Variants in HNF4G observed in about 807,000 individuals in gnomAD.
HNF4G encodes hepatocyte nuclear factor 4 gamma, also known as hepatocyte nuclear factor 4-gamma.
Under a neutral mutation model 50.9 loss-of-function variants are expected in HNF4G, and 21 were observed. That is an observed-to-expected ratio of 0.41 (90% CI 0.29 to 0.59). The LOEUF is 0.59. HNF4G is among the 20% of genes least tolerant of loss of function. The pLI is 0.26. For missense variants in HNF4G, 527 were observed against 559.4 expected (o/e 0.94, Z 0.58); for synonymous variants, 198 against 185.6 (o/e 1.07, Z -0.54).
At chr8:75,473,741 G>T (rs367624714) in intron 1 of HNF4G, among the ~76,000 whole-genome samples, 4 of 152,150 alleles carry the variant, frequency 2.6e-5, no homozygotes, top group South Asian at 4.2e-4. Flanking sequence ...ATTGGAACTG[G>T]GGGGAGTAGA....
upstream of HNF4G, among the ~76,000 whole-genome samples, chr8:75,536,302 A>G (rs1281432712): frequency 6.6e-6 from 1 of 152,030 alleles, no homozygotes; most frequent in African/African-American, 2.4e-5. Flanking sequence ...ATTGCTATGT[A>G]TAAATGATGT....
rs1250691899 is a variant in HNF4G, at chr8:75,558,839, A to C, written c.925A>C (p.Met309Leu). 1 of 1,614,112 alleles carries C rather than the reference A, an allele frequency of 6.2e-7. No individual in the cohort carries two copies. The highest frequency in any genetic ancestry group is 1.1e-5 in the South Asian group (1 of 91,086). Residue 309 changes from methionine (M) to leucine (L), a missense_variant, in exon 8 of 10, where the codon ATG becomes CTG. Transcript: ENST00000396423. ...GLSDPVKIKN[M>L]RFQVQIGLED... is the part of the protein sequence containing the mutation. Reference sequence around the variant, plus strand: ...AAGCGATCCAGTAAAAATTAAGAACATGAGGTTCCAAGTGCAGATCGGTTT... The same window carrying C: ...AAGCGATCCAGTAAAAATTAAGAACCTGAGGTTCCAAGTGCAGATCGGTTT...
At chr8:75,462,424 G>A (rs976139390) in intron 1 of HNF4G, among the ~76,000 whole-genome samples, 3 of 152,142 alleles carry the variant, frequency 2.0e-5, no homozygotes, top group African/African-American at 7.2e-5. Context: ...GTACAGAGTG[G>A]ATTCAGGACA....
chr8:75,471,471 T>C (rs1812110582), intron 1 of HNF4G, among the ~76,000 whole-genome samples: 1 of 152,180 alleles, frequency 6.6e-6, no homozygotes, highest in Non-Finnish European at 1.5e-5. Context: ...AAATGACGTC[T>C]TACATTGATA....
chr8:75,482,854 C>G (rs1812412795), intron 1 of HNF4G, among the ~76,000 whole-genome samples: 1 of 152,142 alleles, frequency 6.6e-6, no homozygotes, highest in African/African-American at 2.4e-5. Flanking sequence ...TATCTTGATT[C>G]TGTATCTAAC....
chr8:75,457,859 C>CGT (rs375355654), intron 1 of HNF4G, among the ~76,000 whole-genome samples: 1 of 151,182 alleles, frequency 6.6e-6, no homozygotes, highest in African/African-American at 2.4e-5. Context: ...ATTATGTGTG[C>CGT]GTGTGTGTGT....
chr8:75,448,956 C>T (rs373970926), intron 1 of HNF4G, among the ~76,000 whole-genome samples: 1 of 152,088 alleles, frequency 6.6e-6, no homozygotes, highest in African/African-American at 2.4e-5. Context: ...TCTCAAACCT[C>T]ATTAAAAATG....
At chr8:75,504,238 C>G (rs934517917) in intron 2 of HNF4G, among the ~76,000 whole-genome samples, 2 of 117,204 alleles carry the variant, frequency 1.7e-5, no homozygotes, top group East Asian at 4.3e-4. Flanking sequence ...CAGACACACA[C>G]ACACACACAC....
intron 1 of HNF4G, among the ~76,000 whole-genome samples, chr8:75,433,412 C>CAAAAAA (rs1186388765): frequency 6.4e-5 from 4 of 62,872 alleles, no homozygotes; most frequent in African/African-American, 1.8e-4. Flanking sequence ...TGTCTCAGAA[C>CAAAAAA]AAAAAAAAAA....
At position 75,564,168 on chromosome 8, in the gene HNF4G, AC is replaced by A. The variant is rs1204484348; in HGVS notation, c.*73del. 1 of 1,513,990 alleles carries A rather than the reference AC, an allele frequency of 6.6e-7. No individual in the cohort carries two copies. Among genetic ancestry groups the A allele is most frequent in the Admixed American group, 1.8e-5 (1 of 56,382 alleles). 93.8% of individuals were successfully genotyped at this position (1,513,990 alleles called of 1,614,324 possible). ...TGATCTTGAAATATCTCAGGATAGC[AC>A]TTTTGGCAAACTCTTAGCCAAGGCT... On this transcript the variant is annotated 3_prime_UTR_variant, in exon 10 of 10. Coordinates refer to ENST00000396423, the MANE Select transcript of HNF4G (RefSeq NM_004133.5).
chr8:75,548,871 A>G (rs1203468361), intron 3 of HNF4G, among the ~76,000 whole-genome samples: 3 of 152,188 alleles, frequency 2.0e-5, no homozygotes, highest in African/African-American at 7.2e-5. Context: ...AGTTTTGCTC[A>G]GGTTGGTAGT....
chr8:75,429,934 G>A (rs1015900571), intron 1 of HNF4G, among the ~76,000 whole-genome samples: 4 of 152,058 alleles, frequency 2.6e-5, no homozygotes, highest in African/African-American at 7.2e-5. Flanking sequence ...AGCGGATCAC[G>A]AGATCAGGAG....
chr8:75,432,547 C>T (rs975393185), intron 1 of HNF4G, among the ~76,000 whole-genome samples: 4 of 152,068 alleles, frequency 2.6e-5, no homozygotes, highest in Admixed American at 6.5e-5. Flanking sequence ...GTGATCTGCC[C>T]GCCTCTGCCT....
chr8:75,515,723 C>T (rs1391289637), intron 2 of HNF4G, among the ~76,000 whole-genome samples: 5 of 151,660 alleles, frequency 3.3e-5, no homozygotes, highest in African/African-American at 2.4e-5. Flanking sequence ...TATTTGGGGC[C>T]CTCAAAGGAT....
In HNF4G at chr8:75,555,964, T is replaced by G. The variant is rs766966096; in HGVS notation, c.646-18T>G. 33 of 1,396,160 alleles carry G rather than the reference T, an allele frequency of 2.4e-5. No homozygotes were observed. Among genetic ancestry groups the G allele is most frequent in the Non-Finnish European group, 2.9e-5 (30 of 1,025,340 alleles). The allele number at this position is 1,396,160 out of a possible 1,614,324, so 86.5% of individuals were successfully genotyped here. On this transcript the variant is annotated intron_variant, in intron 5 of 9. Coordinates refer to ENST00000396423, the MANE Select transcript of HNF4G (RefSeq NM_004133.5). ...TATATATTATAATTAATTGTTAAACTGAGAATTTTTCATTAAGGTGGCACT... is the reference window on the plus strand; with the variant it reads ...TATATATTATAATTAATTGTTAAACGGAGAATTTTTCATTAAGGTGGCACT...
intron 1 of HNF4G, among the ~76,000 whole-genome samples, chr8:75,462,386 T>A (rs1181239133): frequency 6.6e-6 from 1 of 152,190 alleles, no homozygotes; most frequent in African/African-American, 2.4e-5. Context: ...CCAAGATGGC[T>A]ACTAAGTGAC....
chr8:75,553,246 T>A, intron 5 of HNF4G, 49 bp downstream of exon 5: 1 of 1,480,180 alleles, frequency 6.8e-7, no homozygotes, highest in Non-Finnish European at 9.4e-7. Context: ...TCTTGAACTT[T>A]GCTAAGTTTA....
rs141373271 is a variant in HNF4G at position 75,551,402 on chromosome 8, C to T, written c.397C>T (p.Arg133Cys). 7 of 1,606,620 alleles carry T rather than the reference C, an allele frequency of 4.4e-6. No homozygotes were observed. The highest frequency in any genetic ancestry group is 5.1e-6 in the Non-Finnish European group (6 of 1,173,622). The change falls in exon 4 of 10, where the codon CGT becomes TGT. Residue 133 changes from arginine to cysteine, a missense_variant. This residue lies in a region of HNF4G where 128 missense variants were observed against 135.3 expected (regional missense o/e 0.95). Transcript: ENST00000396423. The part of the protein sequence containing the change: ...GMKKEAVQNE[R>C]DRISTRRSTF... ...TTTCCCCCTAGCTGTACAAAATGAA[C>T]GTGACAGAATAAGCACCAGAAGAAG...
intron 3 of HNF4G, 69 bp from the exon 4 acceptor site, chr8:75,551,319 C>T (rs765305589): frequency 4.2e-5 from 35 of 840,818 alleles, no homozygotes; most frequent in Admixed American, 4.0e-4. Context: ...AAAAAAAACT[C>T]CTTAAAATCT....
Sources: allele counts gnomAD v4.1 joint callset (sites outside exome capture counted in the v4.1 genomes callset), GRCh38; gene constraint gnomAD v4.1.1; regional missense constraint gnomAD v4.1.1; transcripts MANE v1.5; gene names NCBI Gene and HGNC (gene_info 2026-07-23, HGNC 2026-07-21).